KCNIP4: variants seen among roughly 807,000 people sequenced by gnomAD.
KCNIP4 encodes Kv channel-interacting protein 4.
Under a neutral mutation model 34.0 loss-of-function variants are expected in KCNIP4, and 12 were observed. The ratio of observed to expected loss-of-function variants is 0.35; its 90% CI spans 0.23 to 0.57. KCNIP4 has a LOEUF of 0.57. Ranked by LOEUF, KCNIP4 falls within the 20% of genes least tolerant of loss-of-function variation. The probability of loss-of-function intolerance (pLI) is 0.83; values close to 1 mark genes in which losing one functional copy is unlikely to be tolerated. For missense variants in KCNIP4, 238 were observed against 311.7 expected, an observed-to-expected ratio of 0.76 and a Z score of 1.78; for synonymous variants, 124 against 102.2, an observed-to-expected ratio of 1.21 and a Z score of -1.29.
At chr4:21,488,873 A>T (rs1273399389) in intron 1 of KCNIP4, among the ~76,000 whole-genome samples, 1 of 152,144 alleles carries the variant, frequency 6.6e-6, no homozygotes, top group Non-Finnish European at 1.5e-5. Context: ...AAGCCAAGGA[A>T]AAATTTGATG....
rs75406749 is a variant in KCNIP4 at position 21,739,040 on chromosome 4, A to G, written c.61+209531T>C. Among the ~76,000 whole-genome samples, 1,329 of 152,278 alleles carry G rather than the reference A, an allele frequency of 8.7e-3. 19 individuals are homozygous for G. Among genetic ancestry groups the G allele is most frequent in the South Asian group, 0.039 (186 of 4,826 alleles). On this transcript the variant is annotated intron_variant, in intron 1 of 8. Transcript: ENST00000382152. ...TTAAGGAGTGAAAGACCGTTGACCC[A>G]ATTATCTTAGACAATACAGAGTGCT...
At chr4:21,829,016 T>G (rs1379523424) in intron 1 of KCNIP4, among the ~76,000 whole-genome samples, 1 of 151,502 alleles carries the variant, frequency 6.6e-6, no homozygotes, top group East Asian at 1.9e-4. Context: ...ACATATTGTA[T>G]CCCAATATAC....
At chr4:20,858,093 C>T (rs1419788699) in intron 2 of KCNIP4, among the ~76,000 whole-genome samples, 1 of 151,464 alleles carries the variant, frequency 6.6e-6, no homozygotes, top group Non-Finnish European at 1.5e-5. Flanking sequence ...TGCCTGTAAT[C>T]CCAGCTACTC....
chr4:21,552,616 A>C (rs761859186), intron 1 of KCNIP4, among the ~76,000 whole-genome samples: 1 of 152,150 alleles, frequency 6.6e-6, no homozygotes, highest in African/African-American at 2.4e-5. Flanking sequence ...AATGTCTGCA[A>C]CTGAGAATAC....
intron 1 of KCNIP4, among the ~76,000 whole-genome samples, chr4:21,933,746 G>A (rs574092594): frequency 6.6e-6 from 1 of 152,198 alleles, no homozygotes; most frequent in South Asian, 2.1e-4. Flanking sequence ...GTTTGCCTCT[G>A]AGCTGCCTAA....
intron 5 of KCNIP4, among the ~76,000 whole-genome samples, chr4:20,737,221 G>C (rs528891808): frequency 2.0e-5 from 3 of 152,170 alleles, no homozygotes; most frequent in Admixed American, 2.0e-4. Context: ...AGCTGGCAAA[G>C]CATCTTGAAA....
chr4:21,512,196 C>T (rs35285509), intron 1 of KCNIP4, among the ~76,000 whole-genome samples: 1 of 34,670 alleles, frequency 2.9e-5, no homozygotes, highest in Non-Finnish European at 9.6e-5. Context: ...AACGAAGGAA[C>T]GAACGAAGGA....
chr4:21,207,366 G>T (rs1490162549), intron 1 of KCNIP4, among the ~76,000 whole-genome samples: 1 of 152,050 alleles, frequency 6.6e-6, no homozygotes, highest in African/African-American at 2.4e-5. Context: ...CAAAATATTA[G>T]TAATATTTTA....
chr4:21,590,772 A>T (rs1233908663), intron 1 of KCNIP4, among the ~76,000 whole-genome samples: 1 of 151,986 alleles, frequency 6.6e-6, no homozygotes, highest in Non-Finnish European at 1.5e-5. Context: ...AGAGAAGGGA[A>T]CTAGACAACA....
intron 3 of KCNIP4, among the ~76,000 whole-genome samples, chr4:20,840,202 C>G (rs536166642): frequency 2.0e-5 from 3 of 152,268 alleles, no homozygotes; most frequent in African/African-American, 7.2e-5. Context: ...AGAAAGAACT[C>G]TTGGAAGCTT....
chr4:21,595,074 C>T (rs1201198987), intron 1 of KCNIP4, among the ~76,000 whole-genome samples: 4 of 152,024 alleles, frequency 2.6e-5, no homozygotes, highest in Admixed American at 6.6e-5. Context: ...CTGCACCCAT[C>T]AACCTGTCAT....
chr4:20,744,816 T>G (rs1430656997), intron 5 of KCNIP4, among the ~76,000 whole-genome samples: 6 of 152,050 alleles, frequency 3.9e-5, no homozygotes, highest in Non-Finnish European at 8.8e-5. Context: ...TTAAGTCAAG[T>G]GTGGACTTGT....
chr4:21,883,102 A>G (rs565324635), intron 1 of KCNIP4, among the ~76,000 whole-genome samples: 2 of 152,008 alleles, frequency 1.3e-5, no homozygotes, highest in Admixed American at 1.3e-4. Flanking sequence ...AGAAAGGCAA[A>G]TAAGCTTTAT....
At chr4:21,181,576 C>T (rs1341651532) in intron 1 of KCNIP4, among the ~76,000 whole-genome samples, 2 of 152,040 alleles carry the variant, frequency 1.3e-5, no homozygotes, top group Admixed American at 6.6e-5. Context: ...ATGGTTGATA[C>T]CATGGTATAA....
At chr4:21,778,024 C>T (rs1252853784) in intron 1 of KCNIP4, among the ~76,000 whole-genome samples, 1 of 151,932 alleles carries the variant, frequency 6.6e-6, no homozygotes. Flanking sequence ...TAAGTAAGGA[C>T]ATAATTCTTC....
chr4:21,191,009 T>G (rs565280315), intron 1 of KCNIP4, among the ~76,000 whole-genome samples: 1 of 152,334 alleles, frequency 6.6e-6, no homozygotes, highest in East Asian at 1.9e-4. Context: ...AATTGTGGCT[T>G]TTGAAAATAA....
At chr4:21,831,330 A>G (rs1049753674) in intron 1 of KCNIP4, among the ~76,000 whole-genome samples, 1 of 152,076 alleles carries the variant, frequency 6.6e-6, no homozygotes, top group South Asian at 2.1e-4. Flanking sequence ...AAAAGAGACC[A>G]GAAAAATAAT....
intron 1 of KCNIP4, among the ~76,000 whole-genome samples, chr4:21,472,091 C>A (rs1730516564): frequency 6.6e-6 from 1 of 151,990 alleles, no homozygotes; most frequent in Non-Finnish European, 1.5e-5. Context: ...ACCAGAAATT[C>A]CTGAAGCTTT....
chr4:21,603,291 A>G lies in KCNIP4; in HGVS notation c.61+345280T>C, dbSNP rs190445680. On this transcript the variant is annotated intron_variant, in intron 1 of 8. Transcript: ENST00000382152. ...TTGTATCTGCAAGTCACATAAAGCC[A>G]TAAGAGATCATAGAGATCACTAAAA... 3.9e-5 allele frequency among the ~76,000 whole-genome samples: 6 copies of G among 152,282 alleles called. 1 individual carries two copies. In the East Asian group the frequency reaches 1.2e-3, roughly 29 times the overall value.
Sources: gnomAD v4.1 joint callset for allele counts (sites outside exome capture counted in the v4.1 genomes callset) on GRCh38, gnomAD v4.1.1 for gene constraint, MANE v1.5 for transcripts, NCBI Gene and HGNC (gene_info 2026-07-23, HGNC 2026-07-21) for gene names.